Variants in AMPD1 observed in about 807,000 individuals in gnomAD.
AMPD1 encodes adenosine monophosphate deaminase 1.
AMPD1 carries 74 observed loss-of-function variants against 82.9 expected under a neutral mutation model. The ratio of observed to expected loss-of-function variants is 0.89; its 90% CI spans 0.74 to 1.08. AMPD1 has a LOEUF of 1.08. Ranked by LOEUF, AMPD1 falls within the 50% of genes least tolerant of loss-of-function variation. The probability of loss-of-function intolerance (pLI) is 0.00; values close to 1 mark genes in which losing one functional copy is unlikely to be tolerated. For synonymous variants in AMPD1, 333 were observed against 320.5 expected (o/e 1.04, Z -0.42); for missense variants, 881 against 924.5 (o/e 0.95, Z 0.61).
intron 7 of AMPD1, 91 bp downstream of exon 7, chr1:114,679,488 T>A: frequency 6.5e-7 from 1 of 1,544,036 alleles, no homozygotes; most frequent in South Asian, 1.1e-5. Context: ...AATCTTAGAT[T>A]AATCAGAAAC....
intron 7 of AMPD1, among the ~76,000 whole-genome samples, chr1:114,679,319 G>A (rs530244305): frequency 2.0e-5 from 3 of 152,290 alleles, no homozygotes; most frequent in Admixed American, 6.5e-5. Context: ...TTGATGTTTT[G>A]TTGTTGTTGC....
intron 1 of AMPD1, among the ~76,000 whole-genome samples, chr1:114,694,141 G>A (rs183070373): frequency 1.2e-4 from 19 of 152,116 alleles, no homozygotes; most frequent in Non-Finnish European, 1.9e-4. Flanking sequence ...GCATGAACCC[G>A]GGAGGTGGAG....
At chr1:114,676,641 C>A (rs1374457618) in intron 10 of AMPD1, among the ~76,000 whole-genome samples, 4 of 152,164 alleles carry the variant, frequency 2.6e-5, no homozygotes, top group African/African-American at 7.2e-5. Context: ...TACTCCTAAC[C>A]AACCTACTGC....
At chr1:114,693,396 A>G (rs1431126870) in intron 2 of AMPD1, 40 bp downstream of exon 2, 1 of 1,596,062 alleles carries the variant, frequency 6.3e-7, no homozygotes, top group South Asian at 1.1e-5. Context: ...TTTTAAATTG[A>G]TACTCTGACA....
In AMPD1 at chr1:114,677,377, T is replaced by C; in HGVS notation, c.1362A>G (p.Thr454=). 2.5e-6 allele frequency: 4 copies of C among 1,609,788 alleles called. No individual in the cohort carries two copies. The African/African-American group carries it at 4.1e-5, about 16-fold the overall frequency. Residue 454 remains threonine, a synonymous_variant, in exon 10 of 16, where the codon ACA becomes ACG. Transcript: ENST00000520113. ...AGATCCTGGGAACCTGGATCATCCA[T>C]GTCATGTTGGGGCAGTGGATGCGAT... is the stretch of plus-strand genomic sequence containing the variant. The part of the protein sequence containing the change: ...VCNRIHCPNM[T]WMIQVPRIYD...
Position 114,677,345 on chromosome 1 carries a change from A to T in AMPD1, c.1388+6T>A. On this transcript the variant is annotated splice_donor_region_variant and intron_variant, in intron 10 of 15. Transcript: ENST00000520113. The stretch of plus-strand genomic sequence containing the variant: ...GCTCTAGAGTTTCTGATGGGCAGGT[A>T]CATACTAGATCCTGGGAACCTGGAT... 6.2e-7 allele frequency: 1 copy of T among 1,609,852 alleles called. No homozygotes were observed. Among genetic ancestry groups the T allele is most frequent in the South Asian group, 1.1e-5 (1 of 90,720 alleles).
chr1:114,675,383 A>C, intron 12 of AMPD1, 147 bp downstream of exon 12: 2 of 859,528 alleles, frequency 2.3e-6, no homozygotes, highest in East Asian at 2.6e-5. Flanking sequence ...TAAACTGAAG[A>C]AAAAAGTTAA....
intron 12 of AMPD1, 121 bp downstream of exon 12, chr1:114,675,409 G>T: frequency 1.8e-6 from 2 of 1,109,014 alleles, no homozygotes; most frequent in Non-Finnish European, 1.3e-6. Flanking sequence ...AGAAATTTCT[G>T]ATTTGGGCCA....
intron 2 of AMPD1, among the ~76,000 whole-genome samples, chr1:114,692,640 A>G (rs1658546616): frequency 1.3e-5 from 2 of 152,132 alleles, no homozygotes; most frequent in Admixed American, 6.6e-5. Context: ...CTATCGCACC[A>G]CTGCACTCCA....
intron 1 of AMPD1, among the ~76,000 whole-genome samples, 175 bp from the exon 2 acceptor site, chr1:114,693,622 A>G (rs1658586201): frequency 6.6e-6 from 1 of 152,230 alleles, no homozygotes; most frequent in Admixed American, 6.5e-5. Context: ...GTCATTATAC[A>G]GCTCTTCATT....
intron 2 of AMPD1, chr1:114,689,044 T>G (rs1176539937): frequency 1.6e-6 from 1 of 610,500 alleles, no homozygotes; most frequent in African/African-American, 1.8e-5. Context: ...TAAGATCACC[T>G]GTTTCTGGCA....
chr1:114,692,209 A>G (rs1194516015), intron 2 of AMPD1, among the ~76,000 whole-genome samples: 1 of 152,196 alleles, frequency 6.6e-6, no homozygotes, highest in Non-Finnish European at 1.5e-5. Context: ...CAGGTCCAGA[A>G]AAACATGCTT....
intron 4 of AMPD1, 30 bp from the exon 5 acceptor site, chr1:114,684,394 G>C: frequency 6.2e-7 from 1 of 1,610,000 alleles, no homozygotes. Flanking sequence ...CAGCATATCA[G>C]AGTCAATCCC....
At chr1:114,678,174 C>T in intron 8 of AMPD1, 133 bp from the exon 9 acceptor site, 1 of 1,472,360 alleles carries the variant, frequency 6.8e-7, no homozygotes. Context: ...GAATTTGGGA[C>T]AGGTGACAAT....
At chr1:114,690,022 T>C (rs555557335) in intron 2 of AMPD1, among the ~76,000 whole-genome samples, 1 of 152,224 alleles carries the variant, frequency 6.6e-6, no homozygotes, top group East Asian at 1.9e-4. Context: ...GGAGCAACAG[T>C]AGAAGACAGA....
In AMPD1 at chr1:114,691,869, G is replaced by A. The variant is rs1278520149; in HGVS notation, c.34+1567C>T. Among the ~76,000 whole-genome samples the A allele has an allele frequency of 2.6e-5, 4 of 151,500 alleles. No homozygotes were observed. In the East Asian group the frequency reaches 7.8e-4, roughly 30 times the overall value. On this transcript the variant is annotated intron_variant, in intron 2 of 15. Coordinates refer to ENST00000520113, the MANE Select transcript of AMPD1 (RefSeq NM_000036.3). Reference sequence around the variant, plus strand: ...GAACTCGGGAGGTGGAGCTTGCAATGAGCCGAGATTATGCTACTGCACTCC... The same window carrying A: ...GAACTCGGGAGGTGGAGCTTGCAATAAGCCGAGATTATGCTACTGCACTCC...
chr1:114,684,164 A>T, intron 5 of AMPD1, 35 bp downstream of exon 5: 1 of 1,601,534 alleles, frequency 6.2e-7, no homozygotes, highest in East Asian at 2.2e-5. Context: ...GTTTAAATAA[A>T]ATATGTTTCA....
rs1189693289 is a variant in AMPD1, at chr1:114,675,539, C to A, written c.1670G>T (p.Ser557Ile). 2 of 1,614,128 alleles carry A rather than the reference C, an allele frequency of 1.2e-6. No homozygotes were observed. The highest frequency in any genetic ancestry group is 1.7e-6 in the Non-Finnish European group (2 of 1,180,000). Reference protein sequence around the residue: ...YMYANIMVLNSLRKERGMNTF... With the variant: ...YMYANIMVLNILRKERGMNTF... ...GCTGTCTCCTACTTACTTTCTCAGG[C>A]TGTTGAGCACCATGATGTTTGCATA... Residue 557 changes from serine to isoleucine, a missense_variant, in exon 12 of 16, where the codon AGC becomes ATC. Around this residue, in one of 2 missense-constraint regions of AMPD1, gnomAD observed 783 missense variants for 786.4 expected, o/e 1.00. Transcript: ENST00000520113.
At chr1:114,675,428 C>A in intron 12 of AMPD1, 102 bp downstream of exon 12, 1 of 1,279,970 alleles carries the variant, frequency 7.8e-7, no homozygotes, top group Non-Finnish European at 1.1e-6. Flanking sequence ...CAATTGGAAC[C>A]ATCACAGTAA....
Sources: allele counts gnomAD v4.1 joint callset (sites outside exome capture counted in the v4.1 genomes callset), GRCh38; gene constraint gnomAD v4.1.1; regional missense constraint gnomAD v4.1.1; transcripts MANE v1.5; gene names NCBI Gene and HGNC (gene_info 2026-07-23, HGNC 2026-07-21).